Variants in CDYL observed in about 807,000 individuals in gnomAD.
CDYL encodes the protein chromodomain Y like, also known as chromodomain Y-like protein.
Under a neutral mutation model 47.3 loss-of-function variants are expected in CDYL, and 8 were observed. The observed-to-expected ratio is 0.17, with a 90% CI of 0.10 to 0.31. The LOEUF is 0.31. CDYL is among the 10% of genes least tolerant of loss of function. The pLI is 1.00. For synonymous variants in CDYL, 266 were observed against 265.0 expected (o/e 1.00, Z -0.04); for missense variants, 471 against 701.4 (o/e 0.67, Z 3.71).
Position 4,734,848 on chromosome 6 carries a change from G to A in CDYL, c.186+4G>A, listed in dbSNP as rs1757674172. ...ACAGCAGCCTCCCGCTTTACAGGTA[G>A]GTCTTGGTTTCTCCCAGTGGCAAGC... On this transcript the variant is annotated splice_donor_region_variant and intron_variant, in intron 3 of 8. Coordinates refer to the CDYL transcript ENST00000328908. 1.9e-6 allele frequency: 3 copies of A among 1,613,992 alleles called. No individual in the cohort carries two copies. The East Asian group carries it at 6.7e-5, about 36-fold the overall frequency.
At chr6:4,764,417 G>A (rs1209778181) in intron 3 of CDYL, among the ~76,000 whole-genome samples, 3 of 152,102 alleles carry the variant, frequency 2.0e-5, no homozygotes, top group Non-Finnish European at 4.4e-5. Context: ...AGCCTCCTGA[G>A]TAGCTGGGAT....
At chr6:4,768,589 ATAAAT>A (rs1045749394) in intron 3 of CDYL, among the ~76,000 whole-genome samples, 57 of 152,212 alleles carry the variant, frequency 3.7e-4, no homozygotes, top group African/African-American at 1.4e-3. Context: ...TAAAAAATGA[ATAAAT>A]TAATAAGTGG....
intron 1 of CDYL, among the ~76,000 whole-genome samples, chr6:4,819,116 TTCTCTCTCTC>T (rs373718294): frequency 0.024 from 1,877 of 76,684 alleles, 48 homozygotes; most frequent in African/African-American, 0.052. Context: ...TTTAGGTTCG[TTCTCTCTCTC>T]TCTCTCTCTC....
chr6:4,872,324 C>CT (rs56242830), intron 1 of CDYL, among the ~76,000 whole-genome samples: 2,330 of 121,558 alleles, frequency 0.019, 68 homozygotes, highest in African/African-American at 0.064. Context: ...TTTGATTTGG[C>CT]TTTTTTTTTT....
intron 2 of CDYL, among the ~76,000 whole-genome samples, chr6:4,918,198 G>A (rs2127506248): frequency 6.6e-6 from 1 of 152,286 alleles, no homozygotes; most frequent in African/African-American, 2.4e-5. Context: ...ATTTCTGCAG[G>A]AAATGTAGTT....
chr6:4,740,048 C>T (rs56256632), intron 3 of CDYL, among the ~76,000 whole-genome samples: 23,398 of 152,086 alleles, frequency 0.15, 2,381 homozygotes, highest in Non-Finnish European at 0.23. Context: ...TTGTACTTTC[C>T]TATACTTTAA....
chr6:4,834,463 C>G (rs1308384265), intron 1 of CDYL, among the ~76,000 whole-genome samples: 1 of 150,172 alleles, frequency 6.7e-6, no homozygotes, highest in Admixed American at 6.7e-5. Context: ...TGATGGGCTT[C>G]CCTTTGTGGG....
chr6:4,796,819 T>G (rs1474519847), intron 1 of CDYL, among the ~76,000 whole-genome samples: 1 of 152,218 alleles, frequency 6.6e-6, no homozygotes, highest in Non-Finnish European at 1.5e-5. Flanking sequence ...CAGTTTAATG[T>G]GTTTAATTTT....
intron 1 of CDYL, among the ~76,000 whole-genome samples, chr6:4,869,583 T>A (rs182884131): frequency 1.3e-3 from 193 of 152,332 alleles, no homozygotes; most frequent in Non-Finnish European, 1.9e-3. Flanking sequence ...TGTACCATAT[T>A]CTCTGAATTT....
intron 1 of CDYL, among the ~76,000 whole-genome samples, chr6:4,823,355 A>T (rs1249974754): frequency 1.3e-5 from 2 of 152,198 alleles, no homozygotes; most frequent in African/African-American, 4.8e-5. Flanking sequence ...TCTAGGGGTG[A>T]CTTTTGGTCT....
At chr6:4,813,714 TTGCC>T in intron 1 of CDYL, among the ~76,000 whole-genome samples, 1 of 152,332 alleles carries the variant, frequency 6.6e-6, no homozygotes, top group Non-Finnish European at 1.5e-5. Flanking sequence ...TTGGTGGAAT[TTGCC>T]TCAAGTTTCT....
At chr6:4,852,803 G>GTTTTTTTGTTT (rs1163412177) in intron 1 of CDYL, among the ~76,000 whole-genome samples, 21 of 147,632 alleles carry the variant, frequency 1.4e-4, no homozygotes, top group African/African-American at 4.8e-4. Context: ...GGGTTTCTTT[G>GTTTTTTTGTTT]TTCTTTTTTT....
intron 3 of CDYL, among the ~76,000 whole-genome samples, chr6:4,751,208 G>A (rs753289210): frequency 6.6e-6 from 1 of 152,086 alleles, no homozygotes; most frequent in African/African-American, 2.4e-5. Flanking sequence ...ATTTTTAAAT[G>A]GTAGAAATGT....
chr6:4,847,050 T>C (rs62386594), intron 1 of CDYL, among the ~76,000 whole-genome samples: 11,975 of 152,266 alleles, frequency 0.079, 594 homozygotes, highest in South Asian at 0.12. Flanking sequence ...CTGTGTGAAC[T>C]AATGAGACCC....
At chr6:4,825,403 G>A (rs567864894) in intron 1 of CDYL, among the ~76,000 whole-genome samples, 126 of 152,176 alleles carry the variant, frequency 8.3e-4, no homozygotes, top group Non-Finnish European at 1.6e-3. Context: ...TTTGGATGCC[G>A]TTTGTTTTTT....
At chr6:4,707,572 G>C (rs1051741153) in intron 1 of CDYL, among the ~76,000 whole-genome samples, 1 of 152,150 alleles carries the variant, frequency 6.6e-6, no homozygotes, top group African/African-American at 2.4e-5. Flanking sequence ...GCCCCCGGCT[G>C]TCTGTTAAAC....
chr6:4,763,871 A>T (rs1414979245), intron 3 of CDYL, among the ~76,000 whole-genome samples: 3 of 152,086 alleles, frequency 2.0e-5, no homozygotes, highest in African/African-American at 7.2e-5. Flanking sequence ...TGAACCCGGG[A>T]GGCAGAGGTT....
chr6:4,740,193 G>T (rs562374372), intron 3 of CDYL, among the ~76,000 whole-genome samples: 158 of 152,246 alleles, frequency 1.0e-3, no homozygotes, highest in African/African-American at 3.2e-3. Flanking sequence ...CTTGCTTCCT[G>T]TTTCCCAACT....
rs184539054 is a variant in CDYL at position 4,947,731 on chromosome 6, G to T, written c.1332+3975G>T. On this transcript the variant is annotated intron_variant, in intron 5 of 6. Transcript: ENST00000397588. ...AGATAGATTTGGGAAGCAGGGTCTGGTAGATTAGGTGCCAGCGTCCATGGA... is the reference window on the plus strand; with the variant it reads ...AGATAGATTTGGGAAGCAGGGTCTGTTAGATTAGGTGCCAGCGTCCATGGA... Among the ~76,000 whole-genome samples the T allele has an allele frequency of 9.9e-5, 15 of 152,284 alleles. No homozygotes were observed. In the East Asian group the frequency reaches 2.7e-3, roughly 28 times the overall value.
Sources: allele counts gnomAD v4.1 joint callset (sites outside exome capture counted in the v4.1 genomes callset), GRCh38; gene constraint gnomAD v4.1.1; transcripts MANE v1.5; gene names NCBI Gene and HGNC (gene_info 2026-07-23, HGNC 2026-07-21).